The following DNM3 variants were observed in gnomAD, a reference collection of about 807,000 sequenced individuals.
DNM3 encodes dynamin-3.
In DNM3, 47 loss-of-function variants were observed where a neutral mutation model predicts 101.6. The ratio of observed to expected loss-of-function variants is 0.46; its 90% confidence interval spans 0.37 to 0.59. The LOEUF (loss-of-function observed/expected upper bound fraction) is 0.59, where lower values mean the gene tolerates loss of function less well. Ranked by LOEUF, DNM3 falls within the 20% of genes least tolerant of loss-of-function variation. The pLI, the probability that DNM3 is intolerant of heterozygous loss-of-function variation, is 0.00. For synonymous variants in DNM3, 385 were observed against 387.9 expected, an observed-to-expected ratio of 0.99 and a Z score of 0.09; for missense variants, 849 against 1,085.7, an observed-to-expected ratio of 0.78 and a Z score of 3.06.
chr1:172,070,197 A>G (rs887328971), intron 11 of DNM3, among the ~76,000 whole-genome samples: 1 of 152,212 alleles, frequency 6.6e-6, no homozygotes, highest in African/African-American at 2.4e-5. Flanking sequence ...AATAGCCAAA[A>G]GAGGAGAAAA....
chr1:172,133,056 C>T (rs2057026586), intron 14 of DNM3: 4 of 1,465,248 alleles, frequency 2.7e-6, no homozygotes, highest in Non-Finnish European at 3.6e-6. Flanking sequence ...AACCTCATCC[C>T]ACAGAGGACT....
At chr1:172,188,322 T>A (rs2059591146) in intron 14 of DNM3, among the ~76,000 whole-genome samples, 1 of 152,066 alleles carries the variant, frequency 6.6e-6, no homozygotes. Flanking sequence ...CAGGTGGTTT[T>A]CCTGCTTCAG....
chr1:171,916,468 C>T (rs1221915459), intron 1 of DNM3, among the ~76,000 whole-genome samples: 4 of 152,198 alleles, frequency 2.6e-5, no homozygotes, highest in African/African-American at 4.8e-5. Context: ...TATCCTAACT[C>T]TTCCATATCA....
At chr1:172,154,884 G>A (rs1001296241) in intron 14 of DNM3, among the ~76,000 whole-genome samples, 2 of 152,028 alleles carry the variant, frequency 1.3e-5, no homozygotes, top group Non-Finnish European at 2.9e-5. Flanking sequence ...AGCAAGAAAA[G>A]GCTCTTTTCT....
At chr1:172,241,001 G>T (rs1182860036) in intron 14 of DNM3, among the ~76,000 whole-genome samples, 63 of 151,834 alleles carry the variant, frequency 4.1e-4, no homozygotes, top group Admixed American at 4.1e-3. Context: ...TCTGTACTTA[G>T]CTCACTAGTA....
chr1:172,234,263 A>G (rs1269604243), intron 14 of DNM3, among the ~76,000 whole-genome samples: 3 of 152,128 alleles, frequency 2.0e-5, no homozygotes, highest in African/African-American at 7.2e-5. Flanking sequence ...AGAGAGCCAA[A>G]TCACGAGTGA....
chr1:172,136,671 T>G (rs1251624946), intron 14 of DNM3: 1 of 152,168 alleles, frequency 6.6e-6, no homozygotes, highest in Admixed American at 6.6e-5. Flanking sequence ...ATCTAAAGAT[T>G]TATAATTTTG....
At chr1:171,950,725 T>C (rs749876841) in intron 2 of DNM3, among the ~76,000 whole-genome samples, 5 of 152,144 alleles carry the variant, frequency 3.3e-5, no homozygotes, top group Non-Finnish European at 4.4e-5. Context: ...ATGATTAAAC[T>C]TTTTGGGGTG....
chr1:171,948,885 C>A (rs577186596), intron 2 of DNM3, among the ~76,000 whole-genome samples: 372 of 152,156 alleles, frequency 2.4e-3, no homozygotes, highest in Non-Finnish European at 4.2e-3. Flanking sequence ...TGAAAAAATG[C>A]AGTGTTATGT....
intron 17 of DNM3, among the ~76,000 whole-genome samples, chr1:172,350,932 A>C (rs182444952): frequency 8.4e-4 from 128 of 152,306 alleles, no homozygotes; most frequent in African/African-American, 2.9e-3. Context: ...CCCAGAGACA[A>C]AAGTACTATT....
intron 10 of DNM3, among the ~76,000 whole-genome samples, chr1:172,057,777 C>T (rs2050769888): frequency 6.6e-6 from 1 of 151,732 alleles, no homozygotes; most frequent in Non-Finnish European, 1.5e-5. Flanking sequence ...TGGGAAGAAA[C>T]TGCATCAACT....
intron 17 of DNM3, among the ~76,000 whole-genome samples, chr1:172,365,576 C>T (rs1211465693): frequency 6.6e-6 from 1 of 151,856 alleles, no homozygotes; most frequent in Non-Finnish European, 1.5e-5. Context: ...ATAATGTAGA[C>T]ATTGATGTCG....
chr1:172,122,070 A>G (rs1226726885), intron 13 of DNM3, among the ~76,000 whole-genome samples: 1 of 152,182 alleles, frequency 6.6e-6, no homozygotes, highest in Non-Finnish European at 1.5e-5. Context: ...CATTAAAGGG[A>G]ATCTCAAGAA....
At chr1:172,364,730 T>A (rs987414129) in intron 17 of DNM3, among the ~76,000 whole-genome samples, 3 of 151,866 alleles carry the variant, frequency 2.0e-5, no homozygotes, top group Non-Finnish European at 4.4e-5. Context: ...GGGGATGGAT[T>A]TCTCATGAAT....
At position 172,341,066 on chromosome 1, in the gene DNM3, C is replaced by CA. The variant is rs147844302; in HGVS notation, c.1893+17731dup. On this transcript the variant is annotated intron_variant, in intron 17 of 20. Transcript: ENST00000627582. ...AGTTTCAGGATACAAAATCAACATA[C>CA]AAAAATCAGTATTCCCACACCAACA... Among the ~76,000 whole-genome samples, 1,410 of 152,170 alleles carry CA rather than the reference C, an allele frequency of 9.3e-3. 29 individuals carry two copies. Among genetic ancestry groups the CA allele is most frequent in the African/African-American group, 0.032 (1,331 of 41,514 alleles).
At chr1:172,010,173 A>G (rs2047015948) in intron 4 of DNM3, among the ~76,000 whole-genome samples, 1 of 151,906 alleles carries the variant, frequency 6.6e-6, no homozygotes, top group Non-Finnish European at 1.5e-5. Context: ...TGTTTTCTGC[A>G]TATGTTTTAA....
intron 14 of DNM3, among the ~76,000 whole-genome samples, chr1:172,142,735 GTA>G (rs1491452571): frequency 1.5e-5 from 2 of 135,154 alleles, no homozygotes; most frequent in African/African-American, 5.7e-5. Flanking sequence ...CATTTCTAGA[GTA>G]AAAAAAAAAA....
In DNM3 at chr1:172,103,988, G is replaced by A. The variant is rs564665042; in HGVS notation, c.1545+11113G>A. Among the ~76,000 whole-genome samples the A allele has an allele frequency of 7.9e-4, 120 of 152,250 alleles. 1 individual carries two copies. The highest frequency in any genetic ancestry group is 3.4e-3 in the Middle Eastern group (1 of 294). ...TGCACTTCAGTCTGGGTGACAGAGCGAGACTCCGTCTCAAAAAAAAAGTTA... is the reference window on the plus strand; with the variant it reads ...TGCACTTCAGTCTGGGTGACAGAGCAAGACTCCGTCTCAAAAAAAAAGTTA... On this transcript the variant is annotated intron_variant, in intron 13 of 20. Transcript: ENST00000627582.
intron 13 of DNM3, chr1:172,093,644 A>C (rs1306120291): frequency 9.1e-6 from 14 of 1,541,898 alleles, no homozygotes; most frequent in Non-Finnish European, 1.2e-5. Flanking sequence ...AACAGACTTT[A>C]TTTTAAAAAC....
Sources: gnomAD v4.1 joint callset for allele counts (sites outside exome capture counted in the v4.1 genomes callset) on GRCh38, gnomAD v4.1.1 for gene constraint, MANE v1.5 for transcripts, NCBI Gene and HGNC (gene_info 2026-07-23, HGNC 2026-07-21) for gene names.